Variants in WDR49 observed in about 807,000 individuals in gnomAD.
WDR49 encodes the protein cilia- and flagella-associated protein 337.
Under a neutral mutation model 119.5 loss-of-function variants are expected in WDR49, and 107 were observed. The ratio of observed to expected loss-of-function variants is 0.90; its 90% CI spans 0.77 to 1.05. The LOEUF is 1.05. WDR49 is among the 50% of genes least tolerant of loss of function. The pLI is 0.00. For missense variants in WDR49, 1,240 were observed against 1,220.5 expected (o/e 1.02, Z -0.24); for synonymous variants, 425 against 418.8 (o/e 1.01, Z -0.18).
At chr3:167,603,874 C>A (rs914913913) in intron 6 of WDR49, among the ~76,000 whole-genome samples, 8 of 151,796 alleles carry the variant, frequency 5.3e-5, no homozygotes, top group Admixed American at 3.3e-4. Context: ...CTACATTTTG[C>A]GGTTCTCTTG....
At chr3:167,568,999 G>C (rs988064924) in intron 8 of WDR49, among the ~76,000 whole-genome samples, 8 of 151,874 alleles carry the variant, frequency 5.3e-5, no homozygotes, top group South Asian at 2.1e-4. Context: ...TTGGAGTGCG[G>C]TGGTGCTATC....
intron 7 of WDR49, among the ~76,000 whole-genome samples, chr3:167,594,414 C>T (rs1439081546): frequency 1.3e-5 from 2 of 152,088 alleles, no homozygotes; most frequent in Non-Finnish European, 2.9e-5. Flanking sequence ...CATTTTGCCC[C>T]TGCCCTAGAT....
intron 9 of WDR49, among the ~76,000 whole-genome samples, chr3:167,559,647 A>C (rs1357845482): frequency 2.0e-5 from 3 of 152,188 alleles, no homozygotes; most frequent in African/African-American, 7.2e-5. Flanking sequence ...TTCTTGAAAA[A>C]TTTGCATCTA....
chr3:167,555,766 A>AT (rs149499020), intron 9 of WDR49, among the ~76,000 whole-genome samples: 42,933 of 151,934 alleles, frequency 0.28, 6,240 homozygotes, highest in South Asian at 0.32. Flanking sequence ...GGAGAAACTG[A>AT]TTTTTTTCCT....
rs1033203234 is a variant in WDR49 at position 167,526,292 on chromosome 3, A to C, written c.2604+1528T>G. 3.3e-5 allele frequency among the ~76,000 whole-genome samples: 5 copies of C among 152,162 alleles called. No homozygotes were observed. The East Asian group carries it at 9.6e-4, about 29-fold the overall frequency. On this transcript the variant is annotated intron_variant, in intron 15 of 18. Coordinates refer to ENST00000682715, the MANE Select transcript of WDR49 (RefSeq NM_001366157.1). ...GAATTAAAATAAAATTTAGCTACAG[A>C]TTATGTTTGGTGGGTGAACTTTATA...
At position 167,500,207 on chromosome 3, in the gene WDR49, T is replaced by C; in HGVS notation, c.2977A>G (p.Lys993Glu). The C allele has an allele frequency of 6.3e-7, 1 of 1,594,788 alleles. No homozygotes were observed. The highest frequency in any genetic ancestry group is 8.5e-7 in the Non-Finnish European group (1 of 1,174,754). Residue 993 changes from lysine to glutamate, a missense_variant, in exon 18 of 19, where the codon AAA becomes GAA. Transcript: ENST00000682715. Reference sequence around the variant, plus strand: ...TGGGGACGCTCTTCCTCTGGTTCTTTCCTAAAGTATTTCTCAGGGTCTAGA... The same window carrying C: ...TGGGGACGCTCTTCCTCTGGTTCTTCCCTAAAGTATTTCTCAGGGTCTAGA... ...FLLDPEKYFR[K>E]EPEEERPQIL...
intron 2 of WDR49, among the ~76,000 whole-genome samples, chr3:167,635,523 A>G (rs1278071864): frequency 3.3e-5 from 5 of 151,854 alleles, no homozygotes; most frequent in African/African-American, 1.2e-4. Flanking sequence ...CCAATAGCAT[A>G]CTTCATAATG....
chr3:167,495,883 GAAAAAAAAAAAAA>G, intron 18 of WDR49, among the ~76,000 whole-genome samples: 292 of 71,238 alleles, frequency 4.1e-3, no homozygotes, highest in Middle Eastern at 0.014. Flanking sequence ...TTAAAAATTT[GAAAAAAAAAAAAA>G]AAAAAAAAAA....
At chr3:167,572,435 A>G (rs1713985344) in intron 8 of WDR49, among the ~76,000 whole-genome samples, 1 of 152,244 alleles carries the variant, frequency 6.6e-6, no homozygotes, top group Non-Finnish European at 1.5e-5. Context: ...CAACATGTTG[A>G]AATAACAACA....
At chr3:167,574,129 A>G (rs1394166494) in intron 8 of WDR49, among the ~76,000 whole-genome samples, 1 of 152,056 alleles carries the variant, frequency 6.6e-6, no homozygotes, top group Non-Finnish European at 1.5e-5. Flanking sequence ...CTTTCATTCC[A>G]CAATCCTGTG....
At chr3:167,579,605 G>T (rs987168986) in intron 7 of WDR49, among the ~76,000 whole-genome samples, 3 of 151,830 alleles carry the variant, frequency 2.0e-5, no homozygotes, top group African/African-American at 7.3e-5. Flanking sequence ...AGAAAATTGG[G>T]TTTTCTTGCC....
chr3:167,496,946 C>A (rs780508061), intron 18 of WDR49, among the ~76,000 whole-genome samples: 1 of 152,068 alleles, frequency 6.6e-6, no homozygotes, highest in Non-Finnish European at 1.5e-5. Context: ...CAGTTAATGT[C>A]TCAATATCTG....
intron 7 of WDR49, among the ~76,000 whole-genome samples, chr3:167,594,848 G>C (rs1380997323): frequency 6.7e-6 from 1 of 149,418 alleles, no homozygotes; most frequent in Non-Finnish European, 1.5e-5. Context: ...ATTCAACATA[G>C]TGTTGGAAGT....
chr3:167,625,762 C>CT (rs1717102631), intron 3 of WDR49, among the ~76,000 whole-genome samples: 1 of 151,948 alleles, frequency 6.6e-6, no homozygotes, highest in Non-Finnish European at 1.5e-5. Context: ...CGATGCAAGG[C>CT]TTTACACTTG....
intron 7 of WDR49, among the ~76,000 whole-genome samples, chr3:167,577,708 C>T (rs1714320290): frequency 6.6e-6 from 1 of 152,058 alleles, no homozygotes; most frequent in South Asian, 2.1e-4. Context: ...AAGCAGAAAA[C>T]AATATTTCAA....
In WDR49 at chr3:167,585,392, G is replaced by A. The variant is rs78378227; in HGVS notation, c.1276-9241C>T. Among the ~76,000 whole-genome samples the A allele has an allele frequency of 0.022, 1,018 of 47,346 alleles. 54 individuals carry two copies. The East Asian group carries it at 0.3, about 14-fold the overall frequency. 31.1% of individuals were successfully genotyped at this position (47,346 alleles called of 152,430 possible). On this transcript the variant is annotated intron_variant, in intron 7 of 18. Coordinates refer to ENST00000682715, the MANE Select transcript of WDR49 (RefSeq NM_001366157.1). ...AACCTAAGAGGTCTTAAAAGGGTGC[G>A]TGTGTGTGTGTGTGTGTGTGTGTGT...
intron 9 of WDR49, among the ~76,000 whole-genome samples, chr3:167,559,070 A>G (rs984598631): frequency 6.6e-6 from 1 of 152,132 alleles, no homozygotes; most frequent in African/African-American, 2.4e-5. Context: ...TCATAGGCCA[A>G]CTTCTACTGA....
intron 7 of WDR49, among the ~76,000 whole-genome samples, chr3:167,587,741 C>T (rs1282841903): frequency 1.3e-5 from 2 of 152,164 alleles, no homozygotes; most frequent in African/African-American, 4.8e-5. Flanking sequence ...ACCTCAGCTT[C>T]CCAAAGTGTT....
chr3:167,583,053 C>T (rs1257955578), intron 7 of WDR49, among the ~76,000 whole-genome samples: 2 of 151,856 alleles, frequency 1.3e-5, no homozygotes, highest in Non-Finnish European at 2.9e-5. Flanking sequence ...CTAATGCCAA[C>T]ATTTCATTTA....
Sources: gnomAD v4.1 joint callset for allele counts (sites outside exome capture counted in the v4.1 genomes callset) on GRCh38, gnomAD v4.1.1 for gene constraint, MANE v1.5 for transcripts, NCBI Gene and HGNC (gene_info 2026-07-23, HGNC 2026-07-21) for gene names.